Variants in BMF observed in about 807,000 individuals in gnomAD.
BMF encodes bcl-2-modifying factor.
A neutral mutation model predicts 22.0 loss-of-function variants in BMF; 10 were observed. The observed-to-expected ratio is 0.45, with a 90% CI of 0.28 to 0.77. The LOEUF is 0.77. Ranked by LOEUF, BMF falls within the 30% of genes least tolerant of loss-of-function variation. BMF has a pLI of 0.13. For missense variants in BMF, 206 were observed against 226.8 expected, an observed-to-expected ratio of 0.91 and a Z score of 0.59; for synonymous variants, 87 against 88.1, an observed-to-expected ratio of 0.99 and a Z score of 0.07.
intron 3 of BMF, 149 bp downstream of exon 3, chr15:40,105,646 G>T: frequency 1.0e-6 from 1 of 1,004,550 alleles, no homozygotes; most frequent in Non-Finnish European, 1.5e-6. Flanking sequence ...GCAATAACAA[G>T]CCGAGAGGCA....
At chr15:40,101,226 C>T (rs1387780458) in intron 4 of BMF, among the ~76,000 whole-genome samples, 1 of 152,134 alleles carries the variant, frequency 6.6e-6, no homozygotes, top group Admixed American at 6.5e-5. Context: ...TGTGAACCAA[C>T]AAGAACAAAC....
chr15:40,095,648 C>T (rs518773), intron 4 of BMF, among the ~76,000 whole-genome samples: 3 of 152,132 alleles, frequency 2.0e-5, no homozygotes, highest in Non-Finnish European at 4.4e-5. Flanking sequence ...ACCCAAGGGT[C>T]GGGGCTGGGA....
At position 40,091,034 on chromosome 15, in the gene BMF, C is replaced by G. The variant is rs1362690782; in HGVS notation, c.*753G>C. ...CCCAGGCCGCCAGTGGTGGCAGTGG[C>G]TCTGTACCTCAGGACCAATCCTGGG... On this transcript the variant is annotated 3_prime_UTR_variant, in exon 5 of 5. Transcript: ENST00000354670. The G allele has an allele frequency of 6.5e-6, 1 of 152,676 alleles. No individual in the cohort carries two copies. The highest frequency in any genetic ancestry group is 2.4e-5 in the African/African-American group (1 of 41,460). The allele number at this position is 152,676 out of a possible 1,614,324, so 9.5% of individuals were successfully genotyped here.
Position 40,106,195 on chromosome 15 carries a change from G to C in BMF, c.-5-104C>G, listed in dbSNP as rs1442111964. ...TACCATACTCCCCCTTCTTATTTGA[G>C]CTGGCCGGACCACATACTGATGACA... On this transcript the variant is annotated intron_variant, in intron 2 of 4. Coordinates refer to ENST00000354670, the MANE Select transcript of BMF (RefSeq NM_001003940.2). This position sits in a 1 kb window ranked among gnomAD's most constrained non-coding sequence, Gnocchi z 4.1. The C allele has an allele frequency of 1.3e-5, 17 of 1,327,330 alleles. No individual in the cohort carries two copies. The highest frequency in any genetic ancestry group is 1.6e-5 in the Non-Finnish European group (16 of 992,930). 82.2% of individuals were successfully genotyped at this position (1,327,330 alleles called of 1,614,324 possible).
chr15:40,106,201 C>T lies in BMF; in HGVS notation c.-5-110G>A, dbSNP rs1011813823. The T allele has an allele frequency of 3.7e-5, 46 of 1,250,170 alleles. 2 individuals are homozygous for T. Among genetic ancestry groups the T allele is most frequent in the East Asian group, 2.3e-4 (9 of 39,268 alleles). 77.4% of individuals were successfully genotyped at this position (1,250,170 alleles called of 1,614,324 possible). A position where few individuals can be genotyped will look rare whatever the true frequency, so the allele number is the denominator to read the frequency against. ...ACTCCCCCTTCTTATTTGAGCTGGC[C>T]GGACCACATACTGATGACATACAAC... On this transcript the variant is annotated intron_variant, in intron 2 of 4. Coordinates refer to ENST00000354670, the MANE Select transcript of BMF (RefSeq NM_001003940.2). This position sits in a 1 kb window ranked among gnomAD's most constrained non-coding sequence, Gnocchi z 4.1.
At chr15:40,092,493 G>A (rs1045175864) in intron 4 of BMF, among the ~76,000 whole-genome samples, 21 of 151,952 alleles carry the variant, frequency 1.4e-4, no homozygotes, top group Admixed American at 8.5e-4. Context: ...GCGCCCGCCC[G>A]CTCTCCCTCC....
chr15:40,100,801 A>G (rs1055730887), intron 4 of BMF, among the ~76,000 whole-genome samples: 7 of 152,196 alleles, frequency 4.6e-5, no homozygotes, highest in African/African-American at 1.4e-4. Flanking sequence ...ATTTCATGGC[A>G]TCAGCACGCC....
intron 4 of BMF, among the ~76,000 whole-genome samples, chr15:40,100,746 T>G (rs1434849678): frequency 6.6e-6 from 1 of 152,172 alleles, no homozygotes; most frequent in Non-Finnish European, 1.5e-5. Flanking sequence ...CCAGGGAAAC[T>G]TGGAACCTGT....
chr15:40,091,816 C>G lies in BMF; in HGVS notation c.526G>C (p.Glu176Gln). Residue 176 changes from glutamate (E) to glutamine (Q), a missense_variant, in exon 5 of 5, where the codon GAG (glutamate) becomes CAG (glutamine). Physicochemically the swap from Glu to Gln is conservative, Grantham distance 29. Transcript: ENST00000354670. ...FLHNLALNGEENRNGAGPR is the reference protein window; with the variant it reads ...FLHNLALNGEQNRNGAGPR ...CTAGGGCCTGCCCCGTTCCTGTTCT[C>G]TTCTCCATTCAAAGCAAGGTTGTGC... 1 of 1,610,514 alleles carries G rather than the reference C, an allele frequency of 6.2e-7. No homozygotes were observed. The highest frequency in any genetic ancestry group is 1.1e-5 in the South Asian group (1 of 90,246).
At chr15:40,096,732 G>A (rs539307473) in intron 4 of BMF, among the ~76,000 whole-genome samples, 9 of 152,190 alleles carry the variant, frequency 5.9e-5, no homozygotes, top group African/African-American at 2.2e-4. Context: ...CTTTTTCAAA[G>A]CAAATCACCA....
rs76511640 is a variant in BMF, at chr15:40,091,898, G to GAA, written c.454-12_454-11dup. ...TTTGGTTCTGCTGGTGCTGAAGGGA[G>GAA]AAAAAAAAAAAAGACCAACATAACT... On this transcript the variant is annotated splice_polypyrimidine_tract_variant and intron_variant, in intron 4 of 4. Coordinates refer to ENST00000354670, the MANE Select transcript of BMF (RefSeq NM_001003940.2). 2.3e-4 allele frequency: 281 copies of GAA among 1,230,352 alleles called. No homozygotes were observed. Among genetic ancestry groups the GAA allele is most frequent in the South Asian group, 4.0e-4 (28 of 69,704 alleles). 76.2% of individuals were successfully genotyped at this position (1,230,352 alleles called of 1,614,324 possible). A position where few individuals can be genotyped will look rare whatever the true frequency, so the allele number is the denominator to read the frequency against.
In BMF at chr15:40,089,865, G is replaced by A. The variant is rs2036201640; in HGVS notation, c.*1922C>T. 6.6e-6 allele frequency: 1 copy of A among 152,540 alleles called. No individual in the cohort carries two copies. Among genetic ancestry groups the A allele is most frequent in the African/African-American group, 2.4e-5 (1 of 41,448 alleles). The allele number at this position is 152,540 out of a possible 1,614,324, so 9.4% of individuals were successfully genotyped here. ...TTCACAATGGTCAGTGTGTCCCAGAGCCAGTCTTCAAGCTGGTCCCCGGCT... is the reference window on the plus strand; with the variant it reads ...TTCACAATGGTCAGTGTGTCCCAGAACCAGTCTTCAAGCTGGTCCCCGGCT... On this transcript the variant is annotated 3_prime_UTR_variant, in exon 5 of 5. Coordinates refer to ENST00000354670, the MANE Select transcript of BMF (RefSeq NM_001003940.2).
At chr15:40,107,419 A>T (rs2036610144) in intron 2 of BMF, among the ~76,000 whole-genome samples, 1 of 151,976 alleles carries the variant, frequency 6.6e-6, no homozygotes, top group Admixed American at 6.6e-5. Context: ...GTCCCATCCC[A>T]TCCCTGTCCC....
Position 40,103,986 on chromosome 15 carries a change from T to C in BMF, c.453+194A>G, listed in dbSNP as rs377758848. Among the ~76,000 whole-genome samples the C allele has an allele frequency of 1.2e-4, 18 of 152,264 alleles. No individual in the cohort carries two copies. The East Asian group carries it at 2.1e-3, about 18-fold the overall frequency. On this transcript the variant is annotated intron_variant, in intron 4 of 4. Transcript: ENST00000354670. ...ATTGAGACTGGGCAGTTAACCAATG[T>C]GGAGCTCAGAGATGAGGGCAAGATG...
rs780598356 is a variant in BMF at position 40,104,350 on chromosome 15, T to C, written c.293-10A>G. On this transcript the variant is annotated splice_polypyrimidine_tract_variant and intron_variant, in intron 3 of 4. Transcript: ENST00000354670. The stretch of plus-strand genomic sequence containing the variant: ...CGATAGCCAGCATTGCCTGCAAAGA[T>C]AGAGGATCCACATCTCAGCATTCTC... The C allele has an allele frequency of 1.9e-6, 3 of 1,613,800 alleles. No individual in the cohort carries two copies. The highest frequency in any genetic ancestry group is 1.7e-6 in the Non-Finnish European group (2 of 1,179,860).
chr15:40,099,430 T>G (rs2036429711), intron 4 of BMF, among the ~76,000 whole-genome samples: 1 of 152,214 alleles, frequency 6.6e-6, no homozygotes, highest in Non-Finnish European at 1.5e-5. Context: ...TTAATAGTTA[T>G]TTGTATCACA....
intron 4 of BMF, among the ~76,000 whole-genome samples, chr15:40,093,945 T>C (rs1251586610): frequency 6.6e-6 from 1 of 152,178 alleles, no homozygotes; most frequent in Non-Finnish European, 1.5e-5. Context: ...GCCCATTACT[T>C]AGCGACCACA....
At position 40,096,176 on chromosome 15, in the gene BMF, T is replaced by C. The variant is rs112887466; in HGVS notation, c.454-4288A>G. On this transcript the variant is annotated intron_variant, in intron 4 of 4. Transcript: ENST00000354670. ...TCCTTTTTTTTTTTTTTTTTTTTTT[T>C]TCTCTAAAGAGCTGGCTGTGGTGTC... Among the ~76,000 whole-genome samples, 567 of 148,978 alleles carry C rather than the reference T, an allele frequency of 3.8e-3. 1 individual carries two copies. Among genetic ancestry groups the C allele is most frequent in the African/African-American group, 0.014 (537 of 39,456 alleles).
intron 3 of BMF, among the ~76,000 whole-genome samples, chr15:40,104,949 C>T (rs1399636344): frequency 1.3e-5 from 2 of 152,156 alleles, no homozygotes; most frequent in Non-Finnish European, 2.9e-5. Flanking sequence ...CCAGTGCACG[C>T]GTTAGAACCA....
Sources: gnomAD v4.1 joint callset for allele counts (sites outside exome capture counted in the v4.1 genomes callset) on GRCh38, gnomAD v4.1.1 for gene constraint, Gnocchi (gnomAD v3.1) non-coding constraint, MANE v1.5 for transcripts, NCBI Gene and HGNC (gene_info 2026-07-23, HGNC 2026-07-21) for gene names.